Variants in BAG4 observed in about 807,000 individuals in gnomAD.
BAG4 encodes BAG family molecular chaperone regulator 4.
Under a neutral mutation model 52.1 loss-of-function variants are expected in BAG4, and 28 were observed. The observed-to-expected ratio is 0.54, with a 90% confidence interval of 0.40 to 0.74. The LOEUF is 0.74. BAG4 is among the 30% of genes least tolerant of loss of function. BAG4 has a pLI of 0.00. For missense variants in BAG4, 525 were observed against 572.0 expected, an observed-to-expected ratio of 0.92 and a Z score of 0.84; for synonymous variants, 208 against 217.0, an observed-to-expected ratio of 0.96 and a Z score of 0.37.
intron 1 of BAG4, among the ~76,000 whole-genome samples, chr8:38,189,478 T>C (rs1803432184): frequency 6.6e-6 from 1 of 152,214 alleles, no homozygotes; most frequent in Non-Finnish European, 1.5e-5. Context: ...TTGTTAGTTA[T>C]TGCATTAATT....
chr8:38,209,931 A>G lies in BAG4; in HGVS notation c.889-77A>G. 2.0e-6 allele frequency: 3 copies of G among 1,530,140 alleles called. No individual in the cohort carries two copies. In the South Asian group the frequency reaches 3.8e-5, roughly 20 times the overall value. 94.8% of individuals were successfully genotyped at this position (1,530,140 alleles called of 1,614,324 possible). On this transcript the variant is annotated intron_variant, in intron 4 of 4. Transcript: ENST00000287322. Reference sequence around the variant, plus strand: ...ATGTACCTTTCTGGTCAAGTGAAAGATGTGGGCTAACAAATTTGATGTTGA... The same window carrying G: ...ATGTACCTTTCTGGTCAAGTGAAAGGTGTGGGCTAACAAATTTGATGTTGA...
intron 1 of BAG4, among the ~76,000 whole-genome samples, chr8:38,183,865 C>T (rs568157090): frequency 1.3e-5 from 2 of 152,170 alleles, no homozygotes; most frequent in East Asian, 1.9e-4. Flanking sequence ...TCTGGTACAA[C>T]AAGATGTCTC....
chr8:38,199,036 A>G (rs1803615327), intron 2 of BAG4, among the ~76,000 whole-genome samples: 1 of 152,220 alleles, frequency 6.6e-6, no homozygotes, highest in African/African-American at 2.4e-5. Flanking sequence ...ACATGCTAAG[A>G]TAATGATAAC....
At chr8:38,183,268 C>T (rs183222955) in intron 1 of BAG4, among the ~76,000 whole-genome samples, 1 of 151,898 alleles carries the variant, frequency 6.6e-6, no homozygotes, top group Non-Finnish European at 1.5e-5. Flanking sequence ...AGGATGGTCT[C>T]GATCTCCTGA....
intron 1 of BAG4, among the ~76,000 whole-genome samples, chr8:38,184,497 A>G (rs1033326600): frequency 4.0e-5 from 6 of 151,740 alleles, no homozygotes; most frequent in Non-Finnish European, 8.8e-5. Flanking sequence ...AAATAAAATA[A>G]AATAAAAATA....
chr8:38,200,320 TAA>T (rs1321115477), intron 2 of BAG4, among the ~76,000 whole-genome samples: 1 of 152,098 alleles, frequency 6.6e-6, no homozygotes, highest in Non-Finnish European at 1.5e-5. Context: ...GTACCCTTCC[TAA>T]AAATCATAAA....
At position 38,210,160 on chromosome 8, in the gene BAG4, G is replaced by A; in HGVS notation, c.1041G>A (p.Leu347=). ...SQVQYSAEPQ[L]YGNATSDHPN... is the part of the protein sequence containing the mutation. ...TCCAGTATAGTGCTGAGCCTCAGCT[G>A]TATGGTAATGCCACCAGTGACCATC... Residue 347 remains leucine, a synonymous_variant, in exon 5 of 5, where the codon CTG becomes CTA. Coordinates refer to ENST00000287322, the MANE Select transcript of BAG4 (RefSeq NM_004874.4). 6.2e-7 allele frequency: 1 copy of A among 1,614,158 alleles called. No individual in the cohort carries two copies. The highest frequency in any genetic ancestry group is 1.7e-5 in the Admixed American group (1 of 60,006).
intron 1 of BAG4, among the ~76,000 whole-genome samples, chr8:38,185,494 A>G (rs1803350080): frequency 6.6e-6 from 1 of 152,236 alleles, no homozygotes. Flanking sequence ...ACTGGTGAAC[A>G]TTAATTTTAA....
intron 1 of BAG4, among the ~76,000 whole-genome samples, chr8:38,184,622 G>A (rs929103262): frequency 3.3e-5 from 5 of 152,208 alleles, no homozygotes; most frequent in African/African-American, 1.2e-4. Context: ...GCTGCGTACA[G>A]GTTGAATGGC....
At chr8:38,200,359 A>G (rs1461718526) in intron 2 of BAG4, among the ~76,000 whole-genome samples, 2 of 152,058 alleles carry the variant, frequency 1.3e-5, no homozygotes, top group East Asian at 1.9e-4. Flanking sequence ...CAGACTCTCA[A>G]TTCTGTCCCA....
At chr8:38,184,602 TTGAC>T (rs1478451337) in intron 1 of BAG4, among the ~76,000 whole-genome samples, 2 of 152,178 alleles carry the variant, frequency 1.3e-5, no homozygotes, top group South Asian at 2.1e-4. Context: ...GAGAGTGTTG[TTGAC>T]TGACTGCTGC....
At chr8:38,202,661 C>T (rs1803701241) in intron 2 of BAG4, among the ~76,000 whole-genome samples, 1 of 151,470 alleles carries the variant, frequency 6.6e-6, no homozygotes, top group South Asian at 2.1e-4. Flanking sequence ...CCCACCTTAA[C>T]TGCTTGAGTG....
chr8:38,204,654 A>T (rs964955593), intron 2 of BAG4, among the ~76,000 whole-genome samples: 1 of 152,058 alleles, frequency 6.6e-6, no homozygotes, highest in Non-Finnish European at 1.5e-5. Context: ...ACAACGAAAA[A>T]AAAAACAAAA....
intron 2 of BAG4, among the ~76,000 whole-genome samples, chr8:38,195,885 A>G (rs923381487): frequency 6.6e-6 from 1 of 152,208 alleles, no homozygotes; most frequent in African/African-American, 2.4e-5. Flanking sequence ...CACCCCGAAT[A>G]GAAACCCTGA....
intron 1 of BAG4, among the ~76,000 whole-genome samples, chr8:38,183,558 A>G (rs1420917663): frequency 6.6e-6 from 1 of 152,184 alleles, no homozygotes; most frequent in Non-Finnish European, 1.5e-5. Context: ...TTTTCCTTGC[A>G]TCTGTACTGG....
rs532391053 is a variant in BAG4, at chr8:38,209,989, T to G, written c.889-19T>G. 9 of 1,604,890 alleles carry G rather than the reference T, an allele frequency of 5.6e-6. No individual in the cohort carries two copies. In the African/African-American group the frequency reaches 1.1e-4, roughly 19 times the overall value. ...CCATTAAAACAGCTCTTTTCCTCTTTTTGCTCTCCCACTCCAAGGATTCTT... is the reference window on the plus strand; with the variant it reads ...CCATTAAAACAGCTCTTTTCCTCTTGTTGCTCTCCCACTCCAAGGATTCTT... On this transcript the variant is annotated intron_variant, in intron 4 of 4. Transcript: ENST00000287322.
chr8:38,192,471 C>T (rs1803492069), intron 1 of BAG4, among the ~76,000 whole-genome samples: 1 of 151,974 alleles, frequency 6.6e-6, no homozygotes, highest in East Asian at 1.9e-4. Context: ...GAGACGGGGT[C>T]TCTCTTGACC....
intron 2 of BAG4, among the ~76,000 whole-genome samples, chr8:38,200,783 A>G (rs1020751427): frequency 2.6e-5 from 4 of 152,114 alleles, no homozygotes; most frequent in Admixed American, 2.6e-4. Flanking sequence ...TTTTTAGTAC[A>G]GATGGGGTTT....
rs972038004 is a variant in BAG4 at position 38,209,008 on chromosome 8, T to C, written c.634-5T>C. The stretch of plus-strand genomic sequence containing the variant: ...TGACTGGTATATTTCTTCTTCTCAA[T>C]CTAGAACCCTGGAATGACCCTGCCC... On this transcript the variant is annotated splice_polypyrimidine_tract_variant and splice_region_variant and intron_variant, in intron 3 of 4. Coordinates refer to ENST00000287322, the MANE Select transcript of BAG4 (RefSeq NM_004874.4). The C allele has an allele frequency of 1.2e-6, 2 of 1,612,328 alleles. No individual in the cohort carries two copies. The highest frequency in any genetic ancestry group is 1.7e-6 in the Non-Finnish European group (2 of 1,178,770).
Sources: gnomAD v4.1 joint callset for allele counts (sites outside exome capture counted in the v4.1 genomes callset) on GRCh38, gnomAD v4.1.1 for gene constraint, MANE v1.5 for transcripts, NCBI Gene and HGNC (gene_info 2026-07-23, HGNC 2026-07-21) for gene names.